COA1: variants seen among roughly 807,000 people sequenced by gnomAD.
The protein encoded by COA1 is cytochrome c oxidase assembly factor 1 homolog.
COA1 carries 13 observed loss-of-function variants against 16.0 expected under a neutral mutation model. That is an observed-to-expected ratio of 0.81 (90% CI 0.53 to 1.29). The LOEUF is 1.29. Ranked by LOEUF, COA1 falls within the 50% of genes most tolerant of loss-of-function variation. The pLI is 0.00. For synonymous variants in COA1, 65 were observed against 65.7 expected, an observed-to-expected ratio of 0.99 and a Z score of 0.05; for missense variants, 179 against 177.0, an observed-to-expected ratio of 1.01 and a Z score of -0.06.
chr7:43,624,932 A>T, intron 6 of COA1: 1 of 1,155,150 alleles, frequency 8.7e-7, no homozygotes, highest in Non-Finnish European at 1.2e-6. Context: ...ATGTACTGGA[A>T]GTGGATAACC....
intron 1 of COA1, among the ~76,000 whole-genome samples, chr7:43,706,577 A>T (rs948959610): frequency 2.0e-5 from 3 of 150,646 alleles, no homozygotes; most frequent in East Asian, 2.0e-4. Flanking sequence ...ATAAAAAAAT[A>T]AAAAAACCCA....
intron 1 of COA1, among the ~76,000 whole-genome samples, chr7:43,672,124 A>T (rs957924022): frequency 1.2e-4 from 19 of 152,104 alleles, no homozygotes; most frequent in African/African-American, 3.9e-4. Context: ...GAACAATACT[A>T]CCGAAATTGT....
chr7:43,680,379 A>T (rs1454164966), intron 1 of COA1, among the ~76,000 whole-genome samples: 4 of 152,180 alleles, frequency 2.6e-5, no homozygotes, highest in Non-Finnish European at 5.9e-5. Flanking sequence ...AAGTTTCAAA[A>T]ACTGAATAGA....
intron 5 of COA1, among the ~76,000 whole-genome samples, chr7:43,640,080 T>G (rs1278128121): frequency 3.6e-4 from 55 of 152,118 alleles, no homozygotes; most frequent in Admixed American, 3.6e-3. Flanking sequence ...CCTTGGGAAT[T>G]AAAATACAGC....
chr7:43,619,643 A>C (rs139022225), intron 6 of COA1: 2 of 1,613,992 alleles, frequency 1.2e-6, no homozygotes, highest in Non-Finnish European at 8.5e-7. Flanking sequence ...GGTGACATTA[A>C]GATTGTTGAT....
chr7:43,674,777 T>C (rs1351616636), intron 1 of COA1, among the ~76,000 whole-genome samples: 2 of 152,220 alleles, frequency 1.3e-5, no homozygotes, highest in African/African-American at 4.8e-5. Flanking sequence ...CATCAAGACT[T>C]ATCTTCAGGA....
intron 1 of COA1, among the ~76,000 whole-genome samples, chr7:43,726,021 C>A (rs549081217): frequency 6.6e-6 from 1 of 152,170 alleles, no homozygotes; most frequent in South Asian, 2.1e-4. Context: ...TCAACCTCTG[C>A]ATACATTAAA....
chr7:43,648,755 G>A (rs371812868), intron 1 of COA1, 103 bp from the exon 2 acceptor site: 22 of 788,518 alleles, frequency 2.8e-5, no homozygotes, highest in African/African-American at 5.2e-5. Flanking sequence ...TTTAGAACAC[G>A]AACAAGAAGT....
intron 1 of COA1, among the ~76,000 whole-genome samples, chr7:43,721,320 T>TA (rs2095501194): frequency 6.6e-6 from 1 of 152,364 alleles, no homozygotes; most frequent in African/African-American, 2.4e-5. Flanking sequence ...TTTTCTGATG[T>TA]AAAAAATGTA....
At chr7:43,620,552 T>C (rs1168949509) in intron 6 of COA1, among the ~76,000 whole-genome samples, 1 of 151,820 alleles carries the variant, frequency 6.6e-6, no homozygotes, top group Admixed American at 6.6e-5. Context: ...TGTGCACTTG[T>C]AGTCCCAGCT....
chr7:43,721,465 G>A (rs1423689673), intron 1 of COA1, among the ~76,000 whole-genome samples: 1 of 151,968 alleles, frequency 6.6e-6, no homozygotes, highest in Non-Finnish European at 1.5e-5. Context: ...GCATGAGAAA[G>A]TTTATGAATT....
intron 1 of COA1, among the ~76,000 whole-genome samples, chr7:43,702,921 G>A (rs1375292038): frequency 6.6e-6 from 1 of 152,082 alleles, no homozygotes; most frequent in Non-Finnish European, 1.5e-5. Flanking sequence ...TTTTTCTAGA[G>A]TTCCTCTAGG....
intron 1 of COA1, among the ~76,000 whole-genome samples, chr7:43,696,714 T>C (rs1418833381): frequency 6.6e-6 from 1 of 152,098 alleles, no homozygotes; most frequent in Non-Finnish European, 1.5e-5. Context: ...TGTGTATATA[T>C]ATGTATATAT....
intron 1 of COA1, among the ~76,000 whole-genome samples, chr7:43,701,042 TTC>T (rs1182758082): frequency 6.6e-6 from 1 of 152,342 alleles, no homozygotes; most frequent in Non-Finnish European, 1.5e-5. Flanking sequence ...ATTTTGAAGA[TTC>T]TTTTTCATAA....
intron 1 of COA1, among the ~76,000 whole-genome samples, chr7:43,715,477 CAAA>C (rs111522661): frequency 1.6e-5 from 2 of 128,746 alleles, no homozygotes; most frequent in African/African-American, 2.9e-5. Flanking sequence ...GACTCTATCT[CAAA>C]AAAAAAAAAA....
chr7:43,610,794 T>C (rs908591195), intron 6 of COA1, among the ~76,000 whole-genome samples: 1 of 152,032 alleles, frequency 6.6e-6, no homozygotes, highest in African/African-American at 2.4e-5. Flanking sequence ...AACTGCTTAA[T>C]TTTTATTGCA....
chr7:43,644,761 G>GATTA (rs59592633), intron 4 of COA1, among the ~76,000 whole-genome samples: 5 of 90,132 alleles, frequency 5.5e-5, no homozygotes, highest in Admixed American at 1.2e-4. Context: ...TAGATAGATA[G>GATTA]GCAGGCAGGC....
At chr7:43,684,810 G>A (rs1343516625) in intron 1 of COA1, among the ~76,000 whole-genome samples, 3 of 152,212 alleles carry the variant, frequency 2.0e-5, no homozygotes, top group Non-Finnish European at 2.9e-5. Context: ...ACACTTTTGG[G>A]GTAGCCTGAA....
intron 1 of COA1, among the ~76,000 whole-genome samples, chr7:43,708,192 A>C (rs1173811672): frequency 6.6e-6 from 1 of 152,172 alleles, no homozygotes; most frequent in African/African-American, 2.4e-5. Flanking sequence ...CAACAGAGCA[A>C]CACTCCGTCT....
Sources: allele counts gnomAD v4.1 joint callset (sites outside exome capture counted in the v4.1 genomes callset), GRCh38; gene constraint gnomAD v4.1.1; transcripts MANE v1.5; gene names NCBI Gene and HGNC (gene_info 2026-07-23, HGNC 2026-07-21).